Variants in CADM2 observed in about 807,000 individuals in gnomAD.
CADM2 encodes immunoglobulin superfamily member 4D.
In CADM2, 12 loss-of-function variants were observed where a neutral mutation model predicts 49.8. The ratio of observed to expected loss-of-function variants is 0.24; its 90% CI spans 0.15 to 0.39. The LOEUF is 0.39. Among genes scored for constraint, CADM2 ranks in the 10% least tolerant of loss-of-function variants. The pLI, the probability that CADM2 is intolerant of heterozygous loss-of-function variation, is 1.00. For missense variants in CADM2, 378 were observed against 492.3 expected (o/e 0.77, Z 2.20); for synonymous variants, 214 against 175.4 (o/e 1.22, Z -1.74).
chr3:85,515,629 A>T (rs866517464), intron 1 of CADM2, among the ~76,000 whole-genome samples: 2,115 of 121,640 alleles, frequency 0.017, 34 homozygotes, highest in African/African-American at 0.049. Flanking sequence ...ATATATATAT[A>T]TATTTTTTTT....
chr3:85,355,448 C>T (rs1277034421), intron 1 of CADM2, among the ~76,000 whole-genome samples: 2 of 151,974 alleles, frequency 1.3e-5, no homozygotes, highest in African/African-American at 4.8e-5. Context: ...TTTCTCACTT[C>T]GTATGTAGAT....
chr3:85,967,971 C>T (rs917879512), intron 8 of CADM2, among the ~76,000 whole-genome samples: 1 of 151,492 alleles, frequency 6.6e-6, no homozygotes, highest in African/African-American at 2.4e-5. Context: ...TCTGTGTACT[C>T]GTAATGAGCA....
At chr3:85,507,476 A>G (rs1020296872) in intron 1 of CADM2, among the ~76,000 whole-genome samples, 1 of 152,190 alleles carries the variant, frequency 6.6e-6, no homozygotes, top group African/African-American at 2.4e-5. Context: ...GGCGTGAGCC[A>G]CCATGCCCGG....
intron 1 of CADM2, among the ~76,000 whole-genome samples, chr3:85,596,284 C>T (rs537561102): frequency 6.6e-6 from 1 of 151,676 alleles, no homozygotes; most frequent in East Asian, 1.9e-4. Context: ...GAAGAAATTA[C>T]TAATATACAA....
intron 1 of CADM2, among the ~76,000 whole-genome samples, chr3:85,651,922 A>G (rs1367372338): frequency 6.9e-6 from 1 of 145,170 alleles, no homozygotes; most frequent in South Asian, 2.2e-4. Flanking sequence ...GGTTCACGCC[A>G]TTCTCTTGCC....
chr3:85,913,451 G>GA (rs1255780218), intron 6 of CADM2, among the ~76,000 whole-genome samples: 2 of 152,116 alleles, frequency 1.3e-5, no homozygotes, highest in Non-Finnish European at 2.9e-5. Flanking sequence ...AATTGTGTGT[G>GA]ATATGCAATT....
At chr3:85,597,809 T>C (rs975772345) in intron 1 of CADM2, among the ~76,000 whole-genome samples, 7 of 152,072 alleles carry the variant, frequency 4.6e-5, no homozygotes, top group Non-Finnish European at 7.4e-5. Flanking sequence ...ATGAAAATGG[T>C]ACAAACCTAA....
rs1310452396 is a variant in CADM2, at chr3:86,067,399, A to G, written c.*616A>G. On this transcript the variant is annotated 3_prime_UTR_variant, in exon 10 of 10. Transcript: ENST00000383699. ...CTGTATCGATTTGCTATTGAAATAT[A>G]GTATTTGATACAGGAGCCATGTGTA... is the stretch of plus-strand genomic sequence containing the variant. The G allele has an allele frequency of 3.3e-5, 5 of 152,602 alleles. No individual in the cohort carries two copies. The highest frequency in any genetic ancestry group is 7.4e-5 in the Non-Finnish European group (5 of 68,012). 9.5% of individuals were successfully genotyped at this position (152,602 alleles called of 1,614,324 possible).
At chr3:85,730,440 TAAATAAAATAAAATA>T (rs57097045) in intron 2 of CADM2, among the ~76,000 whole-genome samples, 28 of 146,090 alleles carry the variant, frequency 1.9e-4, no homozygotes, top group Admixed American at 1.1e-3. Context: ...AGACTCTGTC[TAAATAAAATAAAATA>T]AAATAAAATA....
At chr3:85,398,314 T>C (rs2034901582) in intron 1 of CADM2, among the ~76,000 whole-genome samples, 1 of 139,682 alleles carries the variant, frequency 7.2e-6, no homozygotes, top group Admixed American at 7.9e-5. Context: ...GCTTCATCCA[T>C]GTCCCTACAA....
intron 1 of CADM2, among the ~76,000 whole-genome samples, chr3:85,623,376 C>A (rs1014878735): frequency 6.6e-6 from 1 of 151,984 alleles, no homozygotes; most frequent in African/African-American, 2.4e-5. Flanking sequence ...ACTTTAAATA[C>A]GTTTACTAGA....
intron 5 of CADM2, among the ~76,000 whole-genome samples, chr3:85,908,361 T>A (rs2108469344): frequency 6.6e-6 from 1 of 151,120 alleles, no homozygotes; most frequent in Middle Eastern, 3.4e-3. Flanking sequence ...TTTTTTCACC[T>A]TAGTTCTTGC....
At chr3:85,311,056 A>C (rs1483760865) in intron 1 of CADM2, among the ~76,000 whole-genome samples, 2 of 152,158 alleles carry the variant, frequency 1.3e-5, no homozygotes, top group Non-Finnish European at 2.9e-5. Flanking sequence ...GGAACATCCA[A>C]AAGAAAATAA....
intron 1 of CADM2, among the ~76,000 whole-genome samples, chr3:85,398,115 C>T (rs754544724): frequency 1.2e-4 from 19 of 152,024 alleles, no homozygotes; most frequent in Non-Finnish European, 2.4e-4. Flanking sequence ...ATTAACTCAT[C>T]ATTTAACATT....
At chr3:85,097,082 T>C (rs1369211045) in intron 1 of CADM2, among the ~76,000 whole-genome samples, 2 of 152,080 alleles carry the variant, frequency 1.3e-5, no homozygotes, top group Non-Finnish European at 2.9e-5. Context: ...ATGTGCCATG[T>C]TGGTGTGCTG....
chr3:85,466,744 C>CA (rs544683096), intron 1 of CADM2, among the ~76,000 whole-genome samples: 19 of 146,238 alleles, frequency 1.3e-4, no homozygotes, highest in African/African-American at 3.0e-4. Flanking sequence ...AAATTTTTAA[C>CA]AAAAAAAAAT....
chr3:85,388,835 G>A lies in CADM2; in HGVS notation c.62-337687G>A, dbSNP rs1251793559. ...TCATCCATCTGGTTTATTTTTGAAAGGTATGAAGTAATTTTTCCCCTGTAC... is the reference window on the plus strand; with the variant it reads ...TCATCCATCTGGTTTATTTTTGAAAAGTATGAAGTAATTTTTCCCCTGTAC... On this transcript the variant is annotated intron_variant, in intron 1 of 9. Coordinates refer to ENST00000383699, the MANE Select transcript of CADM2 (RefSeq NM_001167675.2). Among the ~76,000 whole-genome samples, 5 of 151,708 alleles carry A rather than the reference G, an allele frequency of 3.3e-5. No homozygotes were observed. The East Asian group carries it at 9.7e-4, about 30-fold the overall frequency.
chr3:85,225,216 G>A (rs7625784), intron 1 of CADM2, among the ~76,000 whole-genome samples: 26,630 of 151,952 alleles, frequency 0.18, 4,431 homozygotes, highest in African/African-American at 0.44. Context: ...CATGATATTG[G>A]TTCTTCCTAT....
At chr3:85,458,791 A>T (rs1252325760) in intron 1 of CADM2, among the ~76,000 whole-genome samples, 1 of 152,002 alleles carries the variant, frequency 6.6e-6, no homozygotes, top group African/African-American at 2.4e-5. Flanking sequence ...AGACAAAAAA[A>T]ATCAAAGAAA....
Sources: gnomAD v4.1 joint callset for allele counts (sites outside exome capture counted in the v4.1 genomes callset) on GRCh38, gnomAD v4.1.1 for gene constraint, MANE v1.5 for transcripts, NCBI Gene and HGNC (gene_info 2026-07-23, HGNC 2026-07-21) for gene names.